The following HM13 variants were observed in gnomAD, a reference collection of about 807,000 sequenced individuals.
The protein encoded by HM13 is histocompatibility minor 13.
A neutral mutation model predicts 50.0 loss-of-function variants in HM13; 18 were observed. The observed-to-expected ratio is 0.36, with a 90% CI of 0.25 to 0.53. HM13 has a LOEUF of 0.53. Among genes scored for constraint, HM13 ranks in the 20% least tolerant of loss-of-function variants. HM13 has a pLI of 0.90. For synonymous variants in HM13, 197 were observed against 232.6 expected (o/e 0.85, Z 1.39); for missense variants, 393 against 552.4 (o/e 0.71, Z 2.89).
intron 1 of HM13, among the ~76,000 whole-genome samples, chr20:31,518,866 TAGAGAG>T (rs377009137): frequency 3.3e-5 from 5 of 149,302 alleles, no homozygotes; most frequent in African/African-American, 1.0e-4. Flanking sequence ...CATATATATA[TAGAGAG>T]AGAGAGAGAG....
chr20:31,561,777 C>A (rs1984631156), intron 10 of HM13, 41 bp downstream of exon 10: 4 of 1,307,398 alleles, frequency 3.1e-6, no homozygotes, highest in East Asian at 2.3e-5. Flanking sequence ...TGCCTCACTG[C>A]AAATAGAGGG....
intron 1 of HM13, among the ~76,000 whole-genome samples, chr20:31,518,465 G>T (rs1297990784): frequency 6.6e-6 from 1 of 150,910 alleles, no homozygotes; most frequent in Admixed American, 6.6e-5. Flanking sequence ...GGCCAACATG[G>T]TGAAGCCCCA....
At position 31,514,804 on chromosome 20, in the gene HM13, G is replaced by A; in HGVS notation, c.183+70G>A. ...ACACGGCCGACATGGACCCTTCCTA[G>A]GCGGGACAGACACCTCTCCCCGGAC... On this transcript the variant is annotated intron_variant, in intron 1 of 12. Coordinates refer to ENST00000398174, the MANE Select transcript of HM13 (RefSeq NM_178581.3). This position sits in a 1 kb window ranked among gnomAD's most constrained non-coding sequence, Gnocchi z 4.3. The A allele has an allele frequency of 7.3e-7, 1 of 1,368,174 alleles. No homozygotes were observed. Among genetic ancestry groups the A allele is most frequent in the Non-Finnish European group, 9.6e-7 (1 of 1,044,438 alleles). The allele number at this position is 1,368,174 out of a possible 1,614,324, so 84.8% of individuals were successfully genotyped here.
chr20:31,560,041 G>A (rs1350159469), intron 9 of HM13, among the ~76,000 whole-genome samples: 2 of 152,158 alleles, frequency 1.3e-5, no homozygotes, highest in African/African-American at 4.8e-5. Flanking sequence ...GTTGAATCCT[G>A]GTTGCAGTCA....
chr20:31,555,786 T>C (rs1470419521), intron 8 of HM13, among the ~76,000 whole-genome samples: 1 of 148,578 alleles, frequency 6.7e-6, no homozygotes, highest in African/African-American at 2.5e-5. Context: ...CTGGACAACA[T>C]AGCAAGACCT....
At chr20:31,543,521 T>C (rs1054891216) in intron 3 of HM13, among the ~76,000 whole-genome samples, 2 of 151,776 alleles carry the variant, frequency 1.3e-5, no homozygotes, top group Admixed American at 1.3e-4. Context: ...ACTCCTGACC[T>C]CAAGTGATCC....
In HM13 at chr20:31,569,431, G is replaced by A. The variant is rs1351229516; in HGVS notation, c.*212G>A. 4 of 418,518 alleles carry A rather than the reference G, an allele frequency of 9.6e-6. No homozygotes were observed. The South Asian group carries it at 2.0e-4, about 21-fold the overall frequency. The allele number at this position is 418,518 out of a possible 1,614,324, so 25.9% of individuals were successfully genotyped here. A position where few individuals can be genotyped will look rare whatever the true frequency, so the allele number is the denominator to read the frequency against. ...TCCTCCCCACACCCTGCAGGCAAAA[G>A]AAACCCCCAGCTTCCCCCCTCCCCG... On this transcript the variant is annotated 3_prime_UTR_variant, in exon 13 of 13. Coordinates refer to ENST00000398174, the MANE Select transcript of HM13 (RefSeq NM_178581.3).
intron 3 of HM13, chr20:31,540,749 G>A (rs973928707): frequency 2.6e-5 from 4 of 152,148 alleles, no homozygotes; most frequent in African/African-American, 9.7e-5. Context: ...GCAGCACTTT[G>A]TGAGGCCAAG....
chr20:31,529,304 A>C (rs540657088), intron 2 of HM13, among the ~76,000 whole-genome samples: 8 of 151,602 alleles, frequency 5.3e-5, no homozygotes, highest in African/African-American at 1.9e-4. Flanking sequence ...GGAGTGCCAT[A>C]GTGCAATCAT....
At chr20:31,554,066 A>C (rs1486484329) in intron 7 of HM13, among the ~76,000 whole-genome samples, 1 of 152,132 alleles carries the variant, frequency 6.6e-6, no homozygotes, top group Non-Finnish European at 1.5e-5. Flanking sequence ...TTCAGCCTAG[A>C]TGACCCTATT....
rs1600676784 is a variant in HM13 at position 31,568,150 on chromosome 20, A to C, written c.1107A>C (p.Pro369=). 1 of 1,613,098 alleles carries C rather than the reference A, an allele frequency of 6.2e-7. No individual in the cohort carries two copies. Among genetic ancestry groups the C allele is most frequent in the Non-Finnish European group, 8.5e-7 (1 of 1,179,890 alleles). ...ACTTCCCCACAGTCTCGGGCTCCCC[A>C]GCCAGCCTGGCCGACTCCATGCAGC... ...LTHFPTVSGS[P]ASLADSMQQK... The change falls in exon 12 of 13, where the codon CCA becomes CCC. Residue 369 remains proline, a synonymous_variant. Coordinates refer to ENST00000398174, the MANE Select transcript of HM13 (RefSeq NM_178581.3).
Position 31,569,425 on chromosome 20 carries a change from G to T in HM13, c.*206G>T. 4.7e-6 allele frequency: 2 copies of T among 425,592 alleles called. No homozygotes were observed. Among genetic ancestry groups the T allele is most frequent in the Non-Finnish European group, 8.6e-6 (2 of 233,052 alleles). The allele number at this position is 425,592 out of a possible 1,614,324, so 26.4% of individuals were successfully genotyped here. A position where few individuals can be genotyped will look rare whatever the true frequency, so the allele number is the denominator to read the frequency against. ...CTCTGCTCCTCCCCACACCCTGCAG[G>T]CAAAAGAAACCCCCAGCTTCCCCCC... On this transcript the variant is annotated 3_prime_UTR_variant, in exon 13 of 13. Coordinates refer to ENST00000398174, the MANE Select transcript of HM13 (RefSeq NM_178581.3).
chr20:31,524,149 A>T (rs949330287), intron 1 of HM13, among the ~76,000 whole-genome samples: 4 of 152,132 alleles, frequency 2.6e-5, no homozygotes, highest in African/African-American at 7.2e-5. Flanking sequence ...CCAAGGCAGG[A>T]GGATCACTTG....
chr20:31,526,626 A>G (rs1198198108), intron 1 of HM13, among the ~76,000 whole-genome samples: 3 of 152,190 alleles, frequency 2.0e-5, no homozygotes, highest in African/African-American at 7.2e-5. Flanking sequence ...ATTCTTGCCA[A>G]CTATAGCATC....
At chr20:31,548,826 G>T in intron 4 of HM13, 1 of 606,910 alleles carries the variant, frequency 1.6e-6, no homozygotes. Context: ...ATTCCCTCCT[G>T]TAGGAAATTG....
intron 1 of HM13, among the ~76,000 whole-genome samples, chr20:31,522,221 T>C (rs534291802): frequency 6.6e-6 from 1 of 152,316 alleles, no homozygotes; most frequent in South Asian, 2.1e-4. Flanking sequence ...AGCCTCTGCA[T>C]GTGCATATCT....
chr20:31,538,317 G>C, intron 3 of HM13, 56 bp downstream of exon 3: 2 of 1,613,950 alleles, frequency 1.2e-6, no homozygotes, highest in Non-Finnish European at 1.7e-6. Context: ...ACCAGTACAG[G>C]GTCTTGGATG....
intron 7 of HM13, chr20:31,550,411 G>A (rs576083402): frequency 1.5e-5 from 6 of 390,584 alleles, no homozygotes; most frequent in Admixed American, 1.1e-4. Context: ...CACGCGCAGG[G>A]GCTTTCCAGG....
At chr20:31,538,134 A>T in intron 2 of HM13, 45 bp from the exon 3 acceptor site, 1 of 1,607,432 alleles carries the variant, frequency 6.2e-7, no homozygotes, top group South Asian at 1.1e-5. Flanking sequence ...CCTCACAGCC[A>T]CTGGCAACCC....
Sources: gnomAD v4.1 joint callset for allele counts (sites outside exome capture counted in the v4.1 genomes callset) on GRCh38, gnomAD v4.1.1 for gene constraint, Gnocchi (gnomAD v3.1) non-coding constraint, MANE v1.5 for transcripts, NCBI Gene and HGNC (gene_info 2026-07-23, HGNC 2026-07-21) for gene names.